SLC39A11: variants seen among roughly 807,000 people sequenced by gnomAD.
The protein encoded by SLC39A11 is zinc transporter ZIP11.
Under a neutral mutation model 36.1 loss-of-function variants are expected in SLC39A11, and 33 were observed. That is an observed-to-expected ratio of 0.91 (90% CI 0.69 to 1.22). The LOEUF (loss-of-function observed/expected upper bound fraction) is 1.22, where lower values mean the gene tolerates loss of function less well. Ranked by LOEUF, SLC39A11 falls within the 50% of genes most tolerant of loss-of-function variation. SLC39A11 has a pLI of 0.00. For synonymous variants in SLC39A11, 166 were observed against 170.3 expected, an observed-to-expected ratio of 0.97 and a Z score of 0.20; for missense variants, 432 against 430.3, an observed-to-expected ratio of 1.00 and a Z score of -0.03.
intron 3 of SLC39A11, among the ~76,000 whole-genome samples, chr17:73,077,192 T>C (rs569779427): frequency 1.6e-3 from 250 of 152,328 alleles, no homozygotes; most frequent in African/African-American, 5.8e-3. Context: ...AGAATCCACT[T>C]TGAGTTGTTA....
At chr17:72,979,710 C>A (rs2088152130) in intron 4 of SLC39A11, among the ~76,000 whole-genome samples, 1 of 152,156 alleles carries the variant, frequency 6.6e-6, no homozygotes, top group South Asian at 2.1e-4. Flanking sequence ...CACTAACCCA[C>A]CTCCCTCCAA....
At chr17:72,682,459 A>G (rs1057293854) in intron 7 of SLC39A11, among the ~76,000 whole-genome samples, 1 of 152,170 alleles carries the variant, frequency 6.6e-6, no homozygotes, top group African/African-American at 2.4e-5. Context: ...ATCAGCAGTT[A>G]ATTTTTTGGG....
In SLC39A11 at chr17:72,721,658, T is replaced by C. The variant is rs144760936; in HGVS notation, c.671+14992A>G. On this transcript the variant is annotated intron_variant, in intron 7 of 9. Coordinates refer to ENST00000255559, the MANE Select transcript of SLC39A11 (RefSeq NM_139177.4). ...CCCTTGTCATGATGATGCTCTGTGT[T>C]TGAGAAACAGAACTTTAAAAGTTAA... Among the ~76,000 whole-genome samples the C allele has an allele frequency of 2.0e-3, 312 of 152,244 alleles. 4 individuals are homozygous for C. The highest frequency in any genetic ancestry group is 1.0e-3 in the Non-Finnish European group (70 of 68,014).
chr17:72,962,973 T>C (rs4246433), intron 4 of SLC39A11, among the ~76,000 whole-genome samples: 126,218 of 152,014 alleles, frequency 0.83, 53,772 homozygotes, highest in Middle Eastern at 0.94. Flanking sequence ...CAAGTCTCTC[T>C]GACCTCAAGG....
At chr17:72,953,367 T>C (rs2086006491) in intron 4 of SLC39A11, among the ~76,000 whole-genome samples, 2 of 151,964 alleles carry the variant, frequency 1.3e-5, no homozygotes, top group African/African-American at 4.8e-5. Context: ...AGAAAGATGA[T>C]GAAATAATGT....
intron 5 of SLC39A11, among the ~76,000 whole-genome samples, chr17:72,946,266 T>C (rs1048157558): frequency 6.6e-6 from 1 of 152,218 alleles, no homozygotes; most frequent in Admixed American, 6.5e-5. Flanking sequence ...TAACCCTCTA[T>C]GATTTAAGCT....
At chr17:72,794,603 T>A (rs1227711084) in intron 6 of SLC39A11, among the ~76,000 whole-genome samples, 2 of 151,904 alleles carry the variant, frequency 1.3e-5, no homozygotes, top group Non-Finnish European at 2.9e-5. Context: ...AACTGTCCAG[T>A]CCTCCCTTCT....
chr17:72,812,358 G>A (rs145717826), intron 6 of SLC39A11, among the ~76,000 whole-genome samples: 297 of 152,276 alleles, frequency 2.0e-3, no homozygotes, highest in African/African-American at 7.0e-3. Context: ...TTTGAAATCA[G>A]AGCAACAATA....
At chr17:72,922,106 A>C (rs1218135263) in intron 5 of SLC39A11, among the ~76,000 whole-genome samples, 1 of 152,200 alleles carries the variant, frequency 6.6e-6, no homozygotes, top group African/African-American at 2.4e-5. Context: ...TATGGCTCCC[A>C]CATCGGCAGA....
At chr17:73,056,626 T>C (rs1436125734) in intron 3 of SLC39A11, among the ~76,000 whole-genome samples, 1 of 152,170 alleles carries the variant, frequency 6.6e-6, no homozygotes, top group Non-Finnish European at 1.5e-5. Flanking sequence ...GACTGAGTCC[T>C]GTAGGGAGGC....
At chr17:72,778,917 C>T (rs1044405661) in intron 6 of SLC39A11, among the ~76,000 whole-genome samples, 3 of 152,126 alleles carry the variant, frequency 2.0e-5, no homozygotes, top group Non-Finnish European at 4.4e-5. Flanking sequence ...TTTATGGATC[C>T]AGTCCATGTG....
At chr17:73,023,359 T>G (rs191804346) in intron 4 of SLC39A11, among the ~76,000 whole-genome samples, 4 of 152,300 alleles carry the variant, frequency 2.6e-5, no homozygotes, top group Admixed American at 6.5e-5. Flanking sequence ...CGTTTTAAAC[T>G]GAAGATGGGC....
At chr17:72,843,759 T>C (rs2078924369) in intron 6 of SLC39A11, among the ~76,000 whole-genome samples, 2 of 152,196 alleles carry the variant, frequency 1.3e-5, no homozygotes, top group South Asian at 2.1e-4. Flanking sequence ...TCTTGTGAGA[T>C]GGTGTATAGC....
chr17:72,653,098 C>T lies in SLC39A11; in HGVS notation c.672-3830G>A, dbSNP rs559334795. 1.4e-4 allele frequency among the ~76,000 whole-genome samples: 19 copies of T among 137,832 alleles called. No individual in the cohort carries two copies. In the South Asian group the frequency reaches 2.1e-3, roughly 15 times the overall value. The allele number at this position is 137,832 out of a possible 152,430, so 90.4% of individuals were successfully genotyped here. A position where few individuals can be genotyped will look rare whatever the true frequency, so the allele number is the denominator to read the frequency against. ...TGGTGGGCTTGACTCTTCTGTTGCACGCTTTTTTTTTCTTTTTTTTTTTTG... is the reference window on the plus strand; with the variant it reads ...TGGTGGGCTTGACTCTTCTGTTGCATGCTTTTTTTTTCTTTTTTTTTTTTG... On this transcript the variant is annotated intron_variant, in intron 7 of 9. Coordinates refer to ENST00000255559, the MANE Select transcript of SLC39A11 (RefSeq NM_139177.4).
intron 3 of SLC39A11, among the ~76,000 whole-genome samples, chr17:73,070,453 C>T (rs2060128974): frequency 6.6e-6 from 1 of 152,140 alleles, no homozygotes; most frequent in South Asian, 2.1e-4. Context: ...TGACCTGAAC[C>T]CTAAGCATTA....
intron 6 of SLC39A11, among the ~76,000 whole-genome samples, chr17:72,777,116 C>G (rs1005183954): frequency 6.6e-6 from 1 of 152,138 alleles, no homozygotes; most frequent in Non-Finnish European, 1.5e-5. Flanking sequence ...CGTATTCACA[C>G]TCGGGCTTTA....
At chr17:73,011,265 C>T (rs1284053070) in intron 4 of SLC39A11, among the ~76,000 whole-genome samples, 2 of 152,120 alleles carry the variant, frequency 1.3e-5, no homozygotes, top group African/African-American at 2.4e-5. Context: ...GCAGAGCTGG[C>T]GCAAAGGCAG....
intron 5 of SLC39A11, among the ~76,000 whole-genome samples, chr17:72,929,411 G>A (rs929902031): frequency 7.2e-5 from 11 of 152,044 alleles, no homozygotes; most frequent in African/African-American, 1.7e-4. Flanking sequence ...TCGGGTGCTC[G>A]GGTAGTCTCC....
chr17:72,810,691 C>A (rs553526706), intron 6 of SLC39A11, among the ~76,000 whole-genome samples: 60 of 144,658 alleles, frequency 4.1e-4, no homozygotes, highest in Non-Finnish European at 7.2e-4. Flanking sequence ...TGTAAAAATT[C>A]TTTTTTTTTT....
Sources: gnomAD v4.1 joint callset for allele counts (sites outside exome capture counted in the v4.1 genomes callset) on GRCh38, gnomAD v4.1.1 for gene constraint, MANE v1.5 for transcripts, NCBI Gene and HGNC (gene_info 2026-07-23, HGNC 2026-07-21) for gene names.